The following PUDP variants were observed in gnomAD, a reference collection of about 807,000 sequenced individuals.
PUDP encodes the protein pseudouridine 5'-phosphatase, also known as pseudouridine-5'-phosphatase.
PUDP carries 8 observed loss-of-function variants against 9.4 expected under a neutral mutation model. The ratio of observed to expected loss-of-function variants is 0.85; its 90% CI spans 0.50 to 1.53. The LOEUF is 1.53. Among genes scored for constraint, PUDP ranks in the 40% most tolerant of loss-of-function variants. The pLI is 0.00. For missense variants in PUDP, 188 were observed against 189.7 expected, an observed-to-expected ratio of 0.99 and a Z score of 0.05; for synonymous variants, 99 against 80.7, an observed-to-expected ratio of 1.23 and a Z score of -1.22.
chrX:7,100,396 G>A (rs1931697822), intron 2 of PUDP, among the ~76,000 whole-genome samples: 1 of 111,545 alleles, frequency 9.0e-6, no homozygotes, highest in South Asian at 3.7e-4. Context: ...CGCTCTGAAA[G>A]CATGTGAAAA....
At chrX:6,722,081 G>A (rs1411893221), upstream of PUDP, among the ~76,000 whole-genome samples, 3 of 110,318 alleles carry the variant, frequency 2.7e-5, no homozygotes, top group Non-Finnish European at 3.8e-5. Flanking sequence ...TGTAGAAATG[G>A]GGGGAGAGGG....
At chrX:7,047,991 T>G (rs1930006520), downstream of PUDP, among the ~76,000 whole-genome samples, 1 of 112,238 alleles carries the variant, frequency 8.9e-6, no homozygotes, top group African/African-American at 3.2e-5. Flanking sequence ...ATCACTCCTA[T>G]TCCTTAGAAT....
At chrX:6,748,568 T>C (rs1925027528) in intron 3 of PUDP, among the ~76,000 whole-genome samples, 1 of 111,341 alleles carries the variant, frequency 9.0e-6, no homozygotes, top group Non-Finnish European at 1.9e-5. Context: ...CAACTCAGGT[T>C]CAGTTTAACA....
intron 2 of PUDP, among the ~76,000 whole-genome samples, chrX:7,101,756 C>T (rs1157187687): frequency 9.0e-6 from 1 of 111,014 alleles, no homozygotes; most frequent in Non-Finnish European, 1.9e-5. Context: ...ACTTTATGGA[C>T]AAACCTTAGC....
chrX:6,968,066 A>G (rs1220917678), intron 3 of PUDP, among the ~76,000 whole-genome samples: 5 of 112,375 alleles, frequency 4.4e-5, no homozygotes, highest in Non-Finnish European at 9.4e-5. Context: ...ACCTAAGTAT[A>G]AAAATGGATA....
At chrX:6,815,640 G>A (rs969250789) in intron 3 of PUDP, among the ~76,000 whole-genome samples, 3 of 110,996 alleles carry the variant, frequency 2.7e-5, no homozygotes, top group African/African-American at 9.8e-5. Context: ...TGCGTGTCCA[G>A]GCGTGAGAAC....
intron 3 of PUDP, among the ~76,000 whole-genome samples, chrX:6,811,917 G>A (rs184420395): frequency 4.4e-5 from 5 of 112,703 alleles, no homozygotes; most frequent in African/African-American, 1.3e-4. Flanking sequence ...CAATTCAGAT[G>A]TAGAAAGAAA....
chrX:6,779,597 G>A (rs1012252713), intron 3 of PUDP, among the ~76,000 whole-genome samples: 2 of 111,382 alleles, frequency 1.8e-5, no homozygotes, highest in African/African-American at 6.5e-5. Flanking sequence ...TTGACATAAC[G>A]GCATTGCAGC....
At chrX:6,894,956 C>G (rs900437072) in intron 3 of PUDP, among the ~76,000 whole-genome samples, 1 of 110,932 alleles carries the variant, frequency 9.0e-6, no homozygotes, top group African/African-American at 3.3e-5. Flanking sequence ...GTTTGGTCTC[C>G]AGTAGGTTGC....
intron 2 of PUDP, chrX:7,085,027 G>A (rs373089669): frequency 1.8e-5 from 2 of 112,243 alleles, no homozygotes; most frequent in East Asian, 5.6e-4. Flanking sequence ...TGTACCCAGA[G>A]AGCACACACG....
At chrX:7,050,607 T>C in intron 3 of PUDP, 135 bp from the exon 4 acceptor site, 1 of 589,543 alleles carries the variant, frequency 1.7e-6, no homozygotes, top group Non-Finnish European at 2.7e-6. Context: ...CTCCCCAGAG[T>C]AGAGATTGTG....
chrX:7,116,120 C>T (rs1482149217), intron 1 of PUDP, among the ~76,000 whole-genome samples: 1 of 112,228 alleles, frequency 8.9e-6, no homozygotes, highest in Non-Finnish European at 1.9e-5. Flanking sequence ...TGGACACCAG[C>T]ACTTGCCTTT....
chrX:6,923,879 G>A (rs1235347238), intron 3 of PUDP, among the ~76,000 whole-genome samples: 1 of 111,088 alleles, frequency 9.0e-6, no homozygotes, highest in Non-Finnish European at 1.9e-5. Flanking sequence ...TCATGAATCC[G>A]GGGACACACA....
chrX:6,919,089 T>A (rs1401359303), intron 3 of PUDP, among the ~76,000 whole-genome samples: 2 of 111,805 alleles, frequency 1.8e-5, no homozygotes, highest in African/African-American at 6.5e-5. Flanking sequence ...AGGCTCCTCT[T>A]TTTTGCTTTA....
chrX:6,831,067 G>A (rs938030085), intron 3 of PUDP, among the ~76,000 whole-genome samples: 4 of 111,549 alleles, frequency 3.6e-5, no homozygotes, highest in African/African-American at 1.3e-4. Context: ...GGTCAGGTCT[G>A]AGGTGAAATC....
At chrX:7,085,244 C>T (rs1346312241) in intron 2 of PUDP, 1 of 112,609 alleles carries the variant, frequency 8.9e-6, no homozygotes, top group Non-Finnish European at 1.9e-5. Flanking sequence ...AACATCAGTT[C>T]CAGGTTCTTC....
intron 3 of PUDP, among the ~76,000 whole-genome samples, chrX:6,948,872 A>G (rs1160175352): frequency 5.4e-5 from 6 of 111,753 alleles, no homozygotes; most frequent in Non-Finnish European, 7.5e-5. Flanking sequence ...GTCCACTTCC[A>G]TGGAAATTTA....
At chrX:6,909,645 C>T (rs1182455882) in intron 3 of PUDP, among the ~76,000 whole-genome samples, 2 of 110,867 alleles carry the variant, frequency 1.8e-5, no homozygotes, top group East Asian at 2.8e-4. Context: ...CCACAGAGCC[C>T]GAAGTATGTC....
intron 1 of PUDP, among the ~76,000 whole-genome samples, chrX:6,989,059 G>A (rs1279330461): frequency 9.0e-6 from 1 of 111,174 alleles, no homozygotes; most frequent in Non-Finnish European, 1.9e-5. Context: ...TTCTTCAAAT[G>A]AACCATCTCT....
Sources: allele counts gnomAD v4.1 joint callset (sites outside exome capture counted in the v4.1 genomes callset), GRCh38; gene constraint gnomAD v4.1.1; transcripts MANE v1.5; gene names NCBI Gene and HGNC (gene_info 2026-07-23, HGNC 2026-07-21).